DOT1L: variants seen among roughly 807,000 people sequenced by gnomAD.
The protein encoded by DOT1L is histone-lysine N-methyltransferase, H3 lysine-79 specific.
A neutral mutation model predicts 153.3 loss-of-function variants in DOT1L; 33 were observed. The observed-to-expected ratio is 0.22, with a 90% CI of 0.16 to 0.29. The LOEUF (loss-of-function observed/expected upper bound fraction) is 0.29, where lower values mean the gene tolerates loss of function less well. Ranked by LOEUF, DOT1L falls within the 10% of genes least tolerant of loss-of-function variation. The pLI is 1.00. For missense variants in DOT1L, 1,847 were observed against 2,119.9 expected, an observed-to-expected ratio of 0.87 and a Z score of 2.53; for synonymous variants, 1,135 against 965.1, an observed-to-expected ratio of 1.18 and a Z score of -3.26.
intron 7 of DOT1L, among the ~76,000 whole-genome samples, chr19:2,195,110 C>T (rs2022961165): frequency 6.6e-6 from 1 of 152,040 alleles, no homozygotes; most frequent in Non-Finnish European, 1.5e-5. Context: ...GTGCGCTCCC[C>T]TTTCAGTGGC....
chr19:2,210,385 C>T lies in DOT1L; in HGVS notation c.1006-15C>T. The T allele has an allele frequency of 6.6e-7, 1 of 1,515,666 alleles. No individual in the cohort carries two copies. The highest frequency in any genetic ancestry group is 8.8e-7 in the Non-Finnish European group (1 of 1,133,496). 93.9% of individuals were successfully genotyped at this position (1,515,666 alleles called of 1,614,324 possible). ...GCGCTGGGGCTTCCTGTGGCTCAACCTGCTCTCCTTCCAGGAGGAACAGGA... is the reference window on the plus strand; with the variant it reads ...GCGCTGGGGCTTCCTGTGGCTCAACTTGCTCTCCTTCCAGGAGGAACAGGA... On this transcript the variant is annotated splice_polypyrimidine_tract_variant and intron_variant, in intron 12 of 27. Transcript: ENST00000398665.
chr19:2,209,437 G>C (rs2023627518), intron 12 of DOT1L, among the ~76,000 whole-genome samples: 1 of 152,242 alleles, frequency 6.6e-6, no homozygotes, highest in African/African-American at 2.4e-5. Context: ...TGGGTGAAAA[G>C]CTTGTGCGTC....
intron 26 of DOT1L, 90 bp from the exon 27 acceptor site, chr19:2,226,093 G>A: frequency 7.2e-7 from 1 of 1,390,608 alleles, no homozygotes; most frequent in Non-Finnish European, 9.5e-7. Flanking sequence ...CTGCAGAGTT[G>A]CCCGGGCCGT....
chr19:2,174,639 G>A (rs2021819702), intron 1 of DOT1L, among the ~76,000 whole-genome samples: 1 of 151,870 alleles, frequency 6.6e-6, no homozygotes, highest in Admixed American at 6.6e-5. Context: ...TCTTTTTTTA[G>A]AGATGGGGTC....
intron 27 of DOT1L, chr19:2,229,515 G>C (rs1344836873): frequency 1.0e-6 from 1 of 985,362 alleles, no homozygotes; most frequent in Non-Finnish European, 1.2e-6. Context: ...GCTGCAGGTA[G>C]GGTGGCTTTA....
At chr19:2,228,342 C>G in intron 27 of DOT1L, 1 of 1,323,194 alleles carries the variant, frequency 7.6e-7, no homozygotes, top group Non-Finnish European at 1.0e-6. Flanking sequence ...GGTTAAGCCG[C>G]GATAAAGACC....
intron 2 of DOT1L, among the ~76,000 whole-genome samples, chr19:2,181,011 G>A (rs147663738): frequency 1.3e-5 from 2 of 152,274 alleles, no homozygotes; most frequent in Non-Finnish European, 2.9e-5. Flanking sequence ...GCCTTCCTCT[G>A]TCTCCTTGTC....
chr19:2,172,794 G>A (rs751457841), intron 1 of DOT1L, among the ~76,000 whole-genome samples: 20 of 152,172 alleles, frequency 1.3e-4, no homozygotes, highest in Non-Finnish European at 2.5e-4. Context: ...GAGCCACTGC[G>A]CCTGGCAATA....
chr19:2,219,965 G>A, intron 22 of DOT1L, 143 bp from the exon 23 acceptor site: 1 of 681,682 alleles, frequency 1.5e-6, no homozygotes. Context: ...TTCCCCCGCT[G>A]CCCTCTTCCC....
chr19:2,197,122 G>T lies in DOT1L; in HGVS notation c.651+2545G>T, dbSNP rs960599999. ...GCCGTGGCCTGCGGTGCTTCCTTGC[G>T]GCCACGCCTGTCTGGTTTGGTCTCT... is the stretch of plus-strand genomic sequence containing the variant. On this transcript the variant is annotated intron_variant, in intron 7 of 27. Coordinates refer to ENST00000398665, the MANE Select transcript of DOT1L (RefSeq NM_032482.3). This position sits in a 1 kb window ranked among gnomAD's most constrained non-coding sequence, Gnocchi z 4.1. 2.0e-5 allele frequency among the ~76,000 whole-genome samples: 3 copies of T among 152,082 alleles called. No homozygotes were observed. Among genetic ancestry groups the T allele is most frequent in the African/African-American group, 7.2e-5 (3 of 41,404 alleles).
rs78124212 is a variant in DOT1L, at chr19:2,176,066, C to T, written c.82-4647C>T. The stretch of plus-strand genomic sequence containing the variant: ...TCCAGGAACAGGTCTGTGCTGGAAA[C>T]GCCTCTTGGCCGAGGCTGCTTTTAC... On this transcript the variant is annotated intron_variant, in intron 1 of 27. Coordinates refer to ENST00000398665, the MANE Select transcript of DOT1L (RefSeq NM_032482.3). Among the ~76,000 whole-genome samples the T allele has an allele frequency of 2.4e-3, 372 of 152,256 alleles. 10 individuals are homozygous for T. The East Asian group carries it at 0.068, about 28-fold the overall frequency.
chr19:2,186,767 C>T (rs928068862), intron 3 of DOT1L, among the ~76,000 whole-genome samples: 2 of 152,256 alleles, frequency 1.3e-5, no homozygotes, highest in Non-Finnish European at 2.9e-5. Flanking sequence ...GTGTTGCTGG[C>T]AGGGTCCTGC....
At chr19:2,173,603 G>A (rs1299881435) in intron 1 of DOT1L, among the ~76,000 whole-genome samples, 2 of 152,180 alleles carry the variant, frequency 1.3e-5, no homozygotes, top group African/African-American at 2.4e-5. Context: ...GAGGCCAGCC[G>A]GGTGGTGCCA....
At chr19:2,176,338 T>C (rs2021933503) in intron 1 of DOT1L, among the ~76,000 whole-genome samples, 1 of 152,116 alleles carries the variant, frequency 6.6e-6, no homozygotes, top group African/African-American at 2.4e-5. Flanking sequence ...ACTGTCTCCC[T>C]AGCTGTGAAT....
At chr19:2,227,244 G>C in intron 27 of DOT1L, 117 bp downstream of exon 27, 1 of 1,344,812 alleles carries the variant, frequency 7.4e-7, no homozygotes. Context: ...GTCCCCTGGT[G>C]CCGGCCGGCC....
chr19:2,209,588 C>A (rs2023635458), intron 12 of DOT1L, among the ~76,000 whole-genome samples: 1 of 152,266 alleles, frequency 6.6e-6, no homozygotes, highest in African/African-American at 2.4e-5. Flanking sequence ...CCTCTCCCAC[C>A]TTAAAGCAGC....
At chr19:2,187,205 T>C (rs1288849868) in intron 3 of DOT1L, among the ~76,000 whole-genome samples, 1 of 152,224 alleles carries the variant, frequency 6.6e-6, no homozygotes, top group Non-Finnish European at 1.5e-5. Flanking sequence ...GGAGCTTTGT[T>C]AGGAACTAGA....
In DOT1L at chr19:2,222,180, A is replaced by G. The variant is rs766661005; in HGVS notation, c.3011A>G (p.His1004Arg). 6.2e-6 allele frequency: 10 copies of G among 1,612,774 alleles called. No homozygotes were observed. Among genetic ancestry groups the G allele is most frequent in the Non-Finnish European group, 6.8e-6 (8 of 1,179,822 alleles). The change falls in exon 24 of 28, where the codon CAC becomes CGC. Residue 1004 changes from histidine (H) to arginine (R), a missense_variant. By Grantham distance (29) the His-to-Arg change is conservative. Around this residue, in one of 8 missense-constraint regions of DOT1L, gnomAD observed 934 missense variants for 825.3 expected, o/e 1.13. Transcript: ENST00000398665. The surrounding 1 kb of genome is among the most constrained non-coding windows in gnomAD (Gnocchi z 6.5). ...PRNSLPASPAHQLSSSPRLGG... is the reference protein window; with the variant it reads ...PRNSLPASPARQLSSSPRLGG... ...AACTCGCTTCCTGCCTCTCCCGCCCACCAGCTCTCCTCCAGTCCCCGGCTT... is the reference window on the plus strand; with the variant it reads ...AACTCGCTTCCTGCCTCTCCCGCCCGCCAGCTCTCCTCCAGTCCCCGGCTT...
At chr19:2,189,573 G>A (rs923095008) in intron 3 of DOT1L, among the ~76,000 whole-genome samples, 159 bp from the exon 4 acceptor site, 25 of 152,316 alleles carry the variant, frequency 1.6e-4, no homozygotes, top group Admixed American at 2.6e-4. Flanking sequence ...GCATCAGGGC[G>A]GAAAGCGAGG....
Sources: gnomAD v4.1 joint callset for allele counts (sites outside exome capture counted in the v4.1 genomes callset) on GRCh38, gnomAD v4.1.1 for gene constraint, gnomAD v4.1.1 regional missense constraint, Gnocchi (gnomAD v3.1) non-coding constraint, MANE v1.5 for transcripts, NCBI Gene and HGNC (gene_info 2026-07-23, HGNC 2026-07-21) for gene names.